Variants in CCSER2 observed in about 807,000 individuals in gnomAD.
CCSER2 encodes serine-rich coiled-coil domain-containing protein 2.
Under a neutral mutation model 92.3 loss-of-function variants are expected in CCSER2, and 46 were observed. That is an observed-to-expected ratio of 0.50 (90% CI 0.39 to 0.64). The LOEUF (loss-of-function observed/expected upper bound fraction) is 0.64, where lower values mean the gene tolerates loss of function less well. Ranked by LOEUF, CCSER2 falls within the 30% of genes least tolerant of loss-of-function variation. CCSER2 has a pLI of 0.00. For synonymous variants in CCSER2, 433 were observed against 431.4 expected (o/e 1.00, Z -0.04); for missense variants, 1,244 against 1,238.9 (o/e 1.00, Z -0.06).
chr10:84,389,068 G>A (rs1841379390), intron 3 of CCSER2: 4 of 241,124 alleles, frequency 1.7e-5, no homozygotes, highest in Admixed American at 1.1e-4. Context: ...CAAATCCTCG[G>A]ACCCCATTCA....
At chr10:84,396,264 A>G (rs1331108782) in intron 3 of CCSER2, among the ~76,000 whole-genome samples, 7 of 150,464 alleles carry the variant, frequency 4.7e-5, no homozygotes, top group African/African-American at 1.7e-4. Flanking sequence ...TAGATATAGT[A>G]TATATAGTAT....
At chr10:84,476,137 A>G (rs1847124027) in intron 8 of CCSER2, among the ~76,000 whole-genome samples, 2 of 152,086 alleles carry the variant, frequency 1.3e-5, no homozygotes, top group African/African-American at 2.4e-5. Flanking sequence ...CACCCAGCCT[A>G]TATTGAATTT....
intron 1 of CCSER2, among the ~76,000 whole-genome samples, chr10:84,353,242 A>T (rs962927678): frequency 1.5e-4 from 23 of 152,128 alleles, no homozygotes; most frequent in African/African-American, 4.8e-4. Flanking sequence ...GTTGCATAGG[A>T]AGGACAGTTT....
At chr10:84,455,760 C>G in intron 6 of CCSER2, 1 of 1,085,124 alleles carries the variant, frequency 9.2e-7, no homozygotes, top group Non-Finnish European at 1.4e-6. Context: ...TCAGAGGGAA[C>G]TTGATGAACT....
intron 7 of CCSER2, among the ~76,000 whole-genome samples, chr10:84,466,867 A>C (rs1460683805): frequency 6.6e-6 from 1 of 152,008 alleles, no homozygotes; most frequent in Non-Finnish European, 1.5e-5. Flanking sequence ...CCTTTGTTCC[A>C]GTTACAGGGG....
Position 84,513,596 on chromosome 10 carries a change from A to G in CCSER2, c.2473A>G (p.Thr825Ala). The G allele has an allele frequency of 3.7e-6, 6 of 1,613,490 alleles. No individual in the cohort carries two copies. The South Asian group carries it at 6.6e-5, about 18-fold the overall frequency. ...QGGAHPEESF[T>A]HVLHQESNYG... ...CGGTGCACATCCGGAAGAAAGCTTT[A>G]CACACGTCTTGCACCAAGAAAGCAA... The change falls in exon 10 of 10, where the codon ACA becomes GCA. Residue 825 changes from threonine to alanine, a missense_variant. Thr to Ala is a moderately conservative substitution (Grantham distance 58). Coordinates refer to ENST00000372088, the MANE Select transcript of CCSER2 (RefSeq NM_001284240.2).
intron 6 of CCSER2, among the ~76,000 whole-genome samples, chr10:84,453,567 A>G (rs1226082335): frequency 6.6e-6 from 1 of 152,152 alleles, no homozygotes; most frequent in African/African-American, 2.4e-5. Context: ...TATTTTCTGT[A>G]TCTTAGGTAG....
chr10:84,474,901 T>C (rs1847046095), intron 8 of CCSER2, among the ~76,000 whole-genome samples: 1 of 152,146 alleles, frequency 6.6e-6, no homozygotes, highest in Admixed American at 6.6e-5. Flanking sequence ...AGTTGTAAAC[T>C]CAACAAGAAA....
chr10:84,511,375 C>T (rs767347031), intron 9 of CCSER2, among the ~76,000 whole-genome samples: 3 of 152,056 alleles, frequency 2.0e-5, no homozygotes, highest in Non-Finnish European at 2.9e-5. Context: ...TGCACAATGG[C>T]CCTTTCCTGG....
At chr10:84,511,918 A>T (rs1305040011) in intron 9 of CCSER2, among the ~76,000 whole-genome samples, 1 of 152,238 alleles carries the variant, frequency 6.6e-6, no homozygotes, top group Non-Finnish European at 1.5e-5. Context: ...ATTTAGCTTG[A>T]GGCAGCAATT....
At chr10:84,380,900 T>G (rs1184882561) in intron 3 of CCSER2, among the ~76,000 whole-genome samples, 1 of 152,202 alleles carries the variant, frequency 6.6e-6, no homozygotes, top group African/African-American at 2.4e-5. Context: ...TTTCACCGTG[T>G]TAGCCAGGAT....
At chr10:84,440,638 C>T (rs1270934642) in intron 6 of CCSER2, among the ~76,000 whole-genome samples, 4 of 152,124 alleles carry the variant, frequency 2.6e-5, no homozygotes, top group Non-Finnish European at 5.9e-5. Flanking sequence ...TCCATTCTTT[C>T]GATAGCATGT....
At chr10:84,378,560 G>A (rs540737537) in intron 3 of CCSER2, among the ~76,000 whole-genome samples, 4 of 150,646 alleles carry the variant, frequency 2.7e-5, no homozygotes, top group Non-Finnish European at 4.4e-5. Flanking sequence ...TCAGCCTCCC[G>A]AGTAGCTGGG....
chr10:84,369,402 G>A (rs1266401370), intron 1 of CCSER2, among the ~76,000 whole-genome samples: 4 of 151,854 alleles, frequency 2.6e-5, no homozygotes, highest in South Asian at 2.1e-4. Context: ...TAATTTGCAC[G>A]TCCCTGATGA....
intron 9 of CCSER2, among the ~76,000 whole-genome samples, chr10:84,480,000 A>G (rs1009569825): frequency 1.3e-5 from 2 of 152,186 alleles, no homozygotes; most frequent in Non-Finnish European, 2.9e-5. Context: ...TAGAAGACTT[A>G]GCAGTATACT....
chr10:84,332,496 C>T (rs1162704683), intron 1 of CCSER2, among the ~76,000 whole-genome samples: 16 of 123,952 alleles, frequency 1.3e-4, no homozygotes, highest in South Asian at 1.0e-3. Context: ...TGGAGTGCAG[C>T]GGTGCCATCT....
chr10:84,507,607 C>T (rs940212212), intron 9 of CCSER2, among the ~76,000 whole-genome samples: 1 of 152,140 alleles, frequency 6.6e-6, no homozygotes, highest in Non-Finnish European at 1.5e-5. Flanking sequence ...ATTTGGTGCA[C>T]TTTGACATAT....
intron 6 of CCSER2, among the ~76,000 whole-genome samples, chr10:84,457,046 A>G (rs543171821): frequency 8.7e-5 from 13 of 150,254 alleles, no homozygotes; most frequent in Middle Eastern, 3.4e-3. Flanking sequence ...ACTATGTACA[A>G]TTGTGAGGTA....
At chr10:84,477,451 T>G (rs1350461346) in intron 8 of CCSER2, 124 bp from the exon 9 acceptor site, 3 of 514,216 alleles carry the variant, frequency 5.8e-6, no homozygotes, top group Non-Finnish European at 1.0e-5. Flanking sequence ...TTAATTTTTT[T>G]TATAGGTAAT....
Sources: gnomAD v4.1 joint callset for allele counts (sites outside exome capture counted in the v4.1 genomes callset) on GRCh38, gnomAD v4.1.1 for gene constraint, MANE v1.5 for transcripts, NCBI Gene and HGNC (gene_info 2026-07-23, HGNC 2026-07-21) for gene names.